The following ST6GALNAC3 variants were observed in gnomAD, a reference collection of about 807,000 sequenced individuals.
ST6GALNAC3 encodes the protein alpha-N-acetylgalactosaminide alpha-2,6-sialyltransferase 3.
Under a neutral mutation model 32.7 loss-of-function variants are expected in ST6GALNAC3, and 25 were observed. That is an observed-to-expected ratio of 0.76 (90% CI 0.56 to 1.07). The LOEUF is 1.07. Among genes scored for constraint, ST6GALNAC3 ranks in the 50% least tolerant of loss-of-function variants. The pLI is 0.00. For synonymous variants in ST6GALNAC3, 129 were observed against 133.1 expected, an observed-to-expected ratio of 0.97 and a Z score of 0.21; for missense variants, 355 against 382.4, an observed-to-expected ratio of 0.93 and a Z score of 0.60.
intron 1 of ST6GALNAC3, among the ~76,000 whole-genome samples, chr1:76,213,067 G>A (rs149579643): frequency 8.5e-5 from 13 of 152,228 alleles, no homozygotes; most frequent in African/African-American, 2.6e-4. Flanking sequence ...CAAATAATCC[G>A]AATTAGGGAT....
intron 3 of ST6GALNAC3, among the ~76,000 whole-genome samples, chr1:76,565,284 C>G (rs1665488032): frequency 6.6e-6 from 1 of 152,172 alleles, no homozygotes; most frequent in Non-Finnish European, 1.5e-5. Context: ...ACCTTCTACA[C>G]CACACAGGCG....
intron 1 of ST6GALNAC3, among the ~76,000 whole-genome samples, chr1:76,193,401 C>G (rs941912517): frequency 1.3e-5 from 2 of 152,070 alleles, no homozygotes; most frequent in Non-Finnish European, 2.9e-5. Flanking sequence ...CCATAAGTAC[C>G]AACTCACATT....
chr1:76,589,520 C>T (rs1647014855), intron 3 of ST6GALNAC3, among the ~76,000 whole-genome samples: 1 of 151,844 alleles, frequency 6.6e-6, no homozygotes, highest in African/African-American at 2.4e-5. Context: ...AAGAATAAAA[C>T]TTGGTAATTC....
chr1:76,184,519 G>GCGCGCGCACA lies in ST6GALNAC3; in HGVS notation c.18+109636_18+109637insGCGCGCACAC, dbSNP rs1335590722. 2.2e-4 allele frequency among the ~76,000 whole-genome samples: 29 copies of GCGCGCGCACA among 134,176 alleles called. 1 individual carries two copies. Among genetic ancestry groups the GCGCGCGCACA allele is most frequent in the African/African-American group, 7.8e-4 (27 of 34,800 alleles). 88.0% of individuals were successfully genotyped at this position (134,176 alleles called of 152,430 possible). On this transcript the variant is annotated intron_variant, in intron 1 of 4. Coordinates refer to ENST00000328299, the MANE Select transcript of ST6GALNAC3 (RefSeq NM_152996.4). ...GTGCCACTGCATTCCCTCCTGGGCA[G>GCGCGCGCACA]CACACACACACACACACACACACAC...
At chr1:76,197,226 T>C (rs1371017342) in intron 1 of ST6GALNAC3, among the ~76,000 whole-genome samples, 5 of 152,212 alleles carry the variant, frequency 3.3e-5, no homozygotes, top group African/African-American at 9.6e-5. Flanking sequence ...ATGTGCTAAA[T>C]GAAGAGTGTT....
intron 3 of ST6GALNAC3, among the ~76,000 whole-genome samples, chr1:76,435,572 T>C (rs1331284395): frequency 1.3e-5 from 2 of 152,200 alleles, no homozygotes; most frequent in African/African-American, 4.8e-5. Context: ...AAATGTGACA[T>C]GCATTATGCT....
chr1:76,154,296 C>G (rs1651247392), intron 1 of ST6GALNAC3, among the ~76,000 whole-genome samples: 3 of 152,114 alleles, frequency 2.0e-5, no homozygotes, highest in African/African-American at 4.8e-5. Context: ...GGCCCTTTCT[C>G]CCCCACGAGA....
chr1:76,154,841 A>T (rs1020977993), intron 1 of ST6GALNAC3, among the ~76,000 whole-genome samples: 1 of 152,086 alleles, frequency 6.6e-6, no homozygotes, highest in Admixed American at 6.5e-5. Flanking sequence ...AGCTCAATAC[A>T]CCAGGGAGCG....
chr1:76,590,815 T>C (rs1200393773), intron 3 of ST6GALNAC3, among the ~76,000 whole-genome samples: 1 of 152,268 alleles, frequency 6.6e-6, no homozygotes, highest in Middle Eastern at 3.4e-3. Context: ...TGTACTTGTG[T>C]CCATTTTCTC....
At chr1:76,243,869 A>G (rs1317429016) in intron 1 of ST6GALNAC3, among the ~76,000 whole-genome samples, 2 of 152,204 alleles carry the variant, frequency 1.3e-5, no homozygotes, top group Non-Finnish European at 2.9e-5. Context: ...TATAGTTTGA[A>G]GTCAGGTAGC....
intron 1 of ST6GALNAC3, among the ~76,000 whole-genome samples, chr1:76,269,065 T>G (rs993727768): frequency 6.6e-6 from 1 of 152,270 alleles, no homozygotes; most frequent in African/African-American, 2.4e-5. Flanking sequence ...TGACTTGTTC[T>G]GGTCTCAAAC....
chr1:76,171,858 A>C (rs902174090), intron 1 of ST6GALNAC3, among the ~76,000 whole-genome samples: 1 of 76,010 alleles, frequency 1.3e-5, no homozygotes, highest in East Asian at 1.1e-3. Context: ...GAAAAACAAA[A>C]CAGGACCAGA....
chr1:76,470,654 T>C (rs1443151112), intron 3 of ST6GALNAC3, among the ~76,000 whole-genome samples: 3 of 151,920 alleles, frequency 2.0e-5, no homozygotes. Context: ...GGGGGAAAAA[T>C]CCAGGGTTTC....
intron 2 of ST6GALNAC3, among the ~76,000 whole-genome samples, chr1:76,319,311 T>C (rs1466425178): frequency 6.6e-6 from 1 of 152,120 alleles, no homozygotes; most frequent in Non-Finnish European, 1.5e-5. Context: ...TACTCGACAA[T>C]TTAATGAGGC....
intron 1 of ST6GALNAC3, among the ~76,000 whole-genome samples, chr1:76,142,676 A>G (rs1413843038): frequency 1.3e-5 from 2 of 152,242 alleles, no homozygotes; most frequent in African/African-American, 4.8e-5. Flanking sequence ...AAATCACCAT[A>G]TTAGAAAACT....
At chr1:76,265,036 T>A (rs1161276697) in intron 1 of ST6GALNAC3, among the ~76,000 whole-genome samples, 1 of 152,118 alleles carries the variant, frequency 6.6e-6, no homozygotes, top group Non-Finnish European at 1.5e-5. Context: ...GCAAGTTAAC[T>A]GTTTCAGGAA....
intron 3 of ST6GALNAC3, among the ~76,000 whole-genome samples, chr1:76,510,805 C>T (rs1661808521): frequency 6.6e-6 from 1 of 152,150 alleles, no homozygotes; most frequent in Non-Finnish European, 1.5e-5. Context: ...AATCACTAAG[C>T]ACAATGTGCA....
intron 3 of ST6GALNAC3, among the ~76,000 whole-genome samples, chr1:76,450,412 T>C (rs953200434): frequency 6.6e-6 from 1 of 152,184 alleles, no homozygotes; most frequent in Admixed American, 6.5e-5. Context: ...AGCCCACTTT[T>C]TGATGAGATT....
At chr1:76,322,713 T>C (rs888874271) in intron 2 of ST6GALNAC3, among the ~76,000 whole-genome samples, 1 of 152,172 alleles carries the variant, frequency 6.6e-6, no homozygotes, top group Non-Finnish European at 1.5e-5. Context: ...CAAAAATAAC[T>C]ATATGCTTTT....
Sources: allele counts gnomAD v4.1 joint callset (sites outside exome capture counted in the v4.1 genomes callset), GRCh38; gene constraint gnomAD v4.1.1; transcripts MANE v1.5; gene names NCBI Gene and HGNC (gene_info 2026-07-23, HGNC 2026-07-21).